The following MERTK variants were observed in gnomAD, a reference collection of about 807,000 sequenced individuals.
MERTK encodes tyrosine-protein kinase Mer.
Under a neutral mutation model 99.3 loss-of-function variants are expected in MERTK, and 69 were observed. That is an observed-to-expected ratio of 0.70 (90% CI 0.57 to 0.85). The LOEUF (loss-of-function observed/expected upper bound fraction) is 0.85. Among genes scored for constraint, MERTK ranks in the 40% least tolerant of loss-of-function variants. MERTK has a pLI of 0.00. For missense variants in MERTK, 1,125 were observed against 1,249.4 expected, an observed-to-expected ratio of 0.90 and a Z score of 1.50; for synonymous variants, 426 against 467.6, an observed-to-expected ratio of 0.91 and a Z score of 1.15.
chr2:111,907,282 C>T (rs555648236), intron 1 of MERTK, among the ~76,000 whole-genome samples: 4 of 152,258 alleles, frequency 2.6e-5, no homozygotes, highest in East Asian at 3.9e-4. Flanking sequence ...GGCGTGGTGG[C>T]GCATGCCTGT....
chr2:112,014,626 A>G (rs4524124), intron 15 of MERTK, among the ~76,000 whole-genome samples: 83,198 of 151,210 alleles, frequency 0.55, 23,543 homozygotes, highest in Middle Eastern at 0.68. Context: ...GGAGTCATAC[A>G]TTTATAACCT....
At chr2:111,950,358 T>C (rs1333636998) in intron 4 of MERTK, among the ~76,000 whole-genome samples, 1 of 152,254 alleles carries the variant, frequency 6.6e-6, no homozygotes, top group African/African-American at 2.4e-5. Flanking sequence ...ATAAAGCAGC[T>C]ATGAATATTT....
intron 2 of MERTK, among the ~76,000 whole-genome samples, chr2:111,938,128 G>A (rs1337849666): frequency 6.6e-6 from 1 of 152,040 alleles, no homozygotes; most frequent in Non-Finnish European, 1.5e-5. Context: ...TCAGGCTGGA[G>A]CGCAGTGGTG....
chr2:111,925,090 C>A (rs1684529106), intron 1 of MERTK, among the ~76,000 whole-genome samples: 1 of 151,618 alleles, frequency 6.6e-6, no homozygotes, highest in Admixed American at 6.6e-5. Flanking sequence ...TCCCCACCCC[C>A]AGTTAGCCAT....
At chr2:111,970,788 C>T (rs1573610110) in intron 6 of MERTK, among the ~76,000 whole-genome samples, 1 of 21,144 alleles carries the variant, frequency 4.7e-5, no homozygotes. Context: ...CTCCTCCTCC[C>T]TCCTCCTCCT....
chr2:111,938,368 TC>T (rs1684800540), intron 2 of MERTK, among the ~76,000 whole-genome samples: 1 of 152,174 alleles, frequency 6.6e-6, no homozygotes, highest in Non-Finnish European at 1.5e-5. Context: ...CAGTCTACTT[TC>T]TTTCTCTGTG....
chr2:111,905,334 G>T (rs910770564), intron 1 of MERTK, among the ~76,000 whole-genome samples: 2 of 151,852 alleles, frequency 1.3e-5, no homozygotes, highest in Non-Finnish European at 2.9e-5. Context: ...ACCCTGGGCT[G>T]CTATGGCCAG....
intron 1 of MERTK, among the ~76,000 whole-genome samples, chr2:111,912,467 CAA>C (rs1236494367): frequency 6.6e-6 from 1 of 152,076 alleles, no homozygotes; most frequent in Non-Finnish European, 1.5e-5. Flanking sequence ...ATATAGGTAT[CAA>C]AACCCCTATC....
rs375176222 is a variant in MERTK, at chr2:111,947,576, G to A, written c.757+9G>A. 1.4e-5 allele frequency: 22 copies of A among 1,613,836 alleles called. No individual in the cohort carries two copies. Among genetic ancestry groups the A allele is most frequent in the South Asian group, 4.4e-5 (4 of 91,054 alleles). ...CGTGCTAACTGTTCCAGGTAAGTCC[G>A]AGCTGTGGGCTTATTGATTTATTCT... On this transcript the variant is annotated intron_variant, in intron 4 of 18. Coordinates refer to ENST00000295408, the MANE Select transcript of MERTK (RefSeq NM_006343.3).
intron 8 of MERTK, among the ~76,000 whole-genome samples, chr2:111,989,504 C>T (rs1313859722): frequency 2.0e-5 from 3 of 151,990 alleles, no homozygotes; most frequent in African/African-American, 2.4e-5. Flanking sequence ...TACAGGCGCC[C>T]GCCACCACGC....
chr2:112,028,694 G>GC lies in MERTK; in HGVS notation c.2835dup (p.Ser946LeufsTer7). 6.2e-7 allele frequency: 1 copy of GC among 1,614,220 alleles called. No homozygotes were observed. Among genetic ancestry groups the GC allele is most frequent in the Non-Finnish European group, 8.5e-7 (1 of 1,180,046 alleles). ...TGAGGAATGGGAAGATCTGACTTCT[G>GC]CCCCCTCTGCTGCAGTCACAGCTGA... is the stretch of plus-strand genomic sequence containing the variant. On this transcript the variant is annotated frameshift_variant, in exon 19 of 19. Transcript: ENST00000295408. LOFTEE classifies it low-confidence loss of function (END_TRUNC).
At chr2:112,018,678 T>A (rs1677266929) in intron 15 of MERTK, among the ~76,000 whole-genome samples, 1 of 152,164 alleles carries the variant, frequency 6.6e-6, no homozygotes, top group Admixed American at 6.5e-5. Flanking sequence ...AAACACTTAA[T>A]TACTACATGG....
intron 1 of MERTK, among the ~76,000 whole-genome samples, chr2:111,905,758 CGTGCCCA>C (rs1197293010): frequency 6.6e-6 from 1 of 152,032 alleles, no homozygotes; most frequent in African/African-American, 2.4e-5. Context: ...CGTGAGCCAC[CGTGCCCA>C]GCCAGAAACC....
chr2:111,934,128 G>C (rs1252149462), intron 2 of MERTK, among the ~76,000 whole-genome samples: 1 of 152,120 alleles, frequency 6.6e-6, no homozygotes, highest in Non-Finnish European at 1.5e-5. Context: ...ATCATTGATG[G>C]ACATTTGGAT....
rs185029739 is a variant in MERTK, at chr2:111,968,633, A to G, written c.960+381A>G. 6.4e-3 allele frequency among the ~76,000 whole-genome samples: 980 copies of G among 152,152 alleles called. 13 individuals carry two copies. The highest frequency in any genetic ancestry group is 0.023 in the African/African-American group (945 of 41,498). On this transcript the variant is annotated intron_variant, in intron 6 of 18. Coordinates refer to ENST00000295408, the MANE Select transcript of MERTK (RefSeq NM_006343.3). ...ACCGCAAACTCCACCTGGTTCAAGC[A>G]ATTCTCCTGCCTCAGCCCCCTGAGT...
chr2:111,945,045 T>C lies in MERTK; in HGVS notation c.568T>C (p.Tyr190His). Residue 190 changes from tyrosine to histidine, a missense_variant, in exon 3 of 19, where the codon TAC becomes CAC. Tyr to His is a moderately conservative substitution (Grantham distance 83, BLOSUM62 2). Coordinates refer to ENST00000295408, the MANE Select transcript of MERTK (RefSeq NM_006343.3). ...TGAAGAGATCGTGTCTGATCCCATC[T>C]ACATCGAAGTACAAGGTAAGTCCAC... Reference protein sequence around the residue: ...NNEEIVSDPIYIEVQGLPHFT... With the variant: ...NNEEIVSDPIHIEVQGLPHFT... The C allele has an allele frequency of 6.2e-7, 1 of 1,612,986 alleles. No homozygotes were observed. Among genetic ancestry groups the C allele is most frequent in the Non-Finnish European group, 8.5e-7 (1 of 1,179,112 alleles).
intron 18 of MERTK, among the ~76,000 whole-genome samples, chr2:112,023,368 C>G (rs1405478656): frequency 6.6e-6 from 1 of 151,976 alleles, no homozygotes; most frequent in Non-Finnish European, 1.5e-5. Flanking sequence ...GAGCTGAGAT[C>G]GTGCCACTGC....
chr2:111,912,559 G>A (rs772351127), intron 1 of MERTK, among the ~76,000 whole-genome samples: 1 of 152,058 alleles, frequency 6.6e-6, no homozygotes, highest in Non-Finnish European at 1.5e-5. Context: ...TGAGTTGTAG[G>A]TTATATGCAA....
chr2:111,958,233 C>T (rs1685185020), intron 4 of MERTK, among the ~76,000 whole-genome samples: 2 of 151,968 alleles, frequency 1.3e-5, no homozygotes, highest in African/African-American at 2.4e-5. Flanking sequence ...GCTTTTTCTC[C>T]CTGGAAAGTC....
Sources: allele counts gnomAD v4.1 joint callset (sites outside exome capture counted in the v4.1 genomes callset), GRCh38; gene constraint gnomAD v4.1.1; transcripts MANE v1.5; gene names NCBI Gene and HGNC (gene_info 2026-07-23, HGNC 2026-07-21).